Variants in ASAP1 observed in about 807,000 individuals in gnomAD.
ASAP1 encodes the protein ArfGAP with SH3 domain, ankyrin repeat and PH domain 1.
Under a neutral mutation model 145.2 loss-of-function variants are expected in ASAP1, and 43 were observed. The ratio of observed to expected loss-of-function variants is 0.30; its 90% CI spans 0.23 to 0.38. The LOEUF (loss-of-function observed/expected upper bound fraction) is 0.38, where lower values mean the gene tolerates loss of function less well. Ranked by LOEUF, ASAP1 falls within the 10% of genes least tolerant of loss-of-function variation. The pLI is 1.00. For synonymous variants in ASAP1, 546 were observed against 515.5 expected (o/e 1.06, Z -0.80); for missense variants, 1,018 against 1,355.3 (o/e 0.75, Z 3.91).
intron 24 of ASAP1, among the ~76,000 whole-genome samples, chr8:130,092,737 A>G (rs1246585681): frequency 1.3e-5 from 2 of 152,200 alleles, no homozygotes; most frequent in African/African-American, 4.8e-5. Flanking sequence ...CACACATCTT[A>G]AAACAATAAC....
intron 5 of ASAP1, among the ~76,000 whole-genome samples, chr8:130,204,269 G>A (rs1816062045): frequency 6.6e-6 from 1 of 152,126 alleles, no homozygotes; most frequent in South Asian, 2.1e-4. Flanking sequence ...AAATCATCCC[G>A]AAACCATCCT....
chr8:130,064,893 ATGTGTGTGTGTG>A (rs34905534), intron 27 of ASAP1, among the ~76,000 whole-genome samples: 193 of 142,654 alleles, frequency 1.4e-3, no homozygotes, highest in Middle Eastern at 3.5e-3. Flanking sequence ...TTTACTAAGA[ATGTGTGTGTGTG>A]TGTGTGTGTG....
intron 3 of ASAP1, among the ~76,000 whole-genome samples, chr8:130,341,916 C>T (rs768569097): frequency 2.6e-5 from 4 of 152,066 alleles, no homozygotes; most frequent in Non-Finnish European, 5.9e-5. Context: ...TTCACTGGAC[C>T]GAGAGATGGG....
intron 25 of ASAP1, among the ~76,000 whole-genome samples, chr8:130,080,587 T>TG (rs1422783321): frequency 6.6e-6 from 1 of 151,666 alleles, no homozygotes; most frequent in African/African-American, 2.4e-5. Flanking sequence ...GTGTTCCTCC[T>TG]GTCCAGCATC....
chr8:130,153,373 ATATATATATAT>A (rs2097651620), intron 12 of ASAP1, among the ~76,000 whole-genome samples: 1 of 96,804 alleles, frequency 1.0e-5, no homozygotes, highest in Admixed American at 1.2e-4. Context: ...ATATATATAT[ATATATATATAT>A]TTTGAGACAG....
intron 24 of ASAP1, among the ~76,000 whole-genome samples, chr8:130,099,790 C>T (rs574229641): frequency 6.4e-4 from 96 of 150,020 alleles, no homozygotes; most frequent in African/African-American, 2.3e-3. Flanking sequence ...CCACCCGCCT[C>T]GGCCTCCCAA....
chr8:130,195,580 C>T (rs1007295717), intron 5 of ASAP1, among the ~76,000 whole-genome samples: 1 of 151,958 alleles, frequency 6.6e-6, no homozygotes, highest in Non-Finnish European at 1.5e-5. Flanking sequence ...TTTTTGCTTT[C>T]TGCACAAATT....
At position 130,294,328 on chromosome 8, in the gene ASAP1, G is replaced by A. The variant is rs574422099; in HGVS notation, c.187-57334C>T. On this transcript the variant is annotated intron_variant, in intron 3 of 29. Transcript: ENST00000518721. ...GGGTAATGCCACGGAGCGTCAGAAAGGTGACACTGATTTCCCCTGGTGTAC... is the reference window on the plus strand; with the variant it reads ...GGGTAATGCCACGGAGCGTCAGAAAAGTGACACTGATTTCCCCTGGTGTAC... 1.9e-3 allele frequency among the ~76,000 whole-genome samples: 288 copies of A among 152,284 alleles called. 1 individual carries two copies. The highest frequency in any genetic ancestry group is 3.4e-3 in the Middle Eastern group (1 of 292).
At chr8:130,112,885 T>C (rs1273517212) in intron 23 of ASAP1, among the ~76,000 whole-genome samples, 2 of 152,198 alleles carry the variant, frequency 1.3e-5, no homozygotes, top group Admixed American at 6.5e-5. Flanking sequence ...GTATTTGCGC[T>C]TGTGGTGATG....
intron 15 of ASAP1, 51 bp from the exon 16 acceptor site, chr8:130,128,141 T>A (rs1201966336): frequency 1.7e-4 from 21 of 120,634 alleles, no homozygotes; most frequent in Non-Finnish European, 1.9e-4. Flanking sequence ...GCATGGTCAT[T>A]TTTTTTTTTT....
intron 18 of ASAP1, 57 bp from the exon 19 acceptor site, chr8:130,118,732 T>C: frequency 8.3e-7 from 1 of 1,211,812 alleles, no homozygotes; most frequent in Non-Finnish European, 1.1e-6. Context: ...AAGGTTTACA[T>C]TTTTCTGACA....
Position 130,054,103 on chromosome 8 carries a change from A to G in ASAP1, c.*628T>C, listed in dbSNP as rs111489250. On this transcript the variant is annotated 3_prime_UTR_variant, in exon 30 of 30. Transcript: ENST00000518721. ...TAAGACAGTATAAATCCACTTGTCT[A>G]AACTTGCATGAGGCTGTGTGCATTG... The G allele has an allele frequency of 6.5e-6, 1 of 152,980 alleles. No homozygotes were observed. Among genetic ancestry groups the G allele is most frequent in the African/African-American group, 2.4e-5 (1 of 41,590 alleles). The allele number at this position is 152,980 out of a possible 1,614,324, so 9.5% of individuals were successfully genotyped here. A position where few individuals can be genotyped will look rare whatever the true frequency, so the allele number is the denominator to read the frequency against.
intron 1 of ASAP1, among the ~76,000 whole-genome samples, chr8:130,436,979 C>A (rs1344060875): frequency 2.6e-5 from 4 of 151,772 alleles, no homozygotes; most frequent in Non-Finnish European, 5.9e-5. Context: ...GTGGAACATG[C>A]CTGTAATCCC....
chr8:130,109,611 T>G (rs2097543471), intron 24 of ASAP1, among the ~76,000 whole-genome samples: 1 of 152,078 alleles, frequency 6.6e-6, no homozygotes, highest in Non-Finnish European at 1.5e-5. Context: ...GCATCCTTGT[T>G]TTCATGCAAA....
At chr8:130,177,388 T>C (rs910657282) in intron 9 of ASAP1, among the ~76,000 whole-genome samples, 2 of 152,250 alleles carry the variant, frequency 1.3e-5, no homozygotes, top group Non-Finnish European at 1.5e-5. Flanking sequence ...TCAGTTTTGC[T>C]GCCAAAGTAC....
At position 130,119,463 on chromosome 8, in the gene ASAP1, C is replaced by T. The variant is rs192779285; in HGVS notation, c.1608-788G>A. On this transcript the variant is annotated intron_variant, in intron 18 of 29. Transcript: ENST00000518721. ...CTTGAGGAATTGCCTTCTTTACTTC[C>T]GTTCAAGTGTTTCTGGTGGGACTGA... 2.6e-3 allele frequency among the ~76,000 whole-genome samples: 397 copies of T among 152,290 alleles called. 1 individual carries two copies. The highest frequency in any genetic ancestry group is 9.2e-3 in the African/African-American group (382 of 41,556).
At chr8:130,200,509 A>C (rs1360874199) in intron 5 of ASAP1, among the ~76,000 whole-genome samples, 1 of 152,224 alleles carries the variant, frequency 6.6e-6, no homozygotes, top group Middle Eastern at 3.2e-3. Context: ...TATCGGTGGA[A>C]AACCACAGTA....
chr8:130,249,559 A>G (rs188222051), intron 3 of ASAP1, among the ~76,000 whole-genome samples: 2 of 152,294 alleles, frequency 1.3e-5, no homozygotes, highest in East Asian at 1.9e-4. Context: ...TTATCACCCA[A>G]TAAGAAAGTT....
chr8:130,380,139 G>C (rs944290522), intron 2 of ASAP1, among the ~76,000 whole-genome samples: 1 of 152,196 alleles, frequency 6.6e-6, no homozygotes, highest in Non-Finnish European at 1.5e-5. Flanking sequence ...AGGAGGATCT[G>C]AGTACAAGGA....
Sources: allele counts gnomAD v4.1 joint callset (sites outside exome capture counted in the v4.1 genomes callset), GRCh38; gene constraint gnomAD v4.1.1; transcripts MANE v1.5; gene names NCBI Gene and HGNC (gene_info 2026-07-23, HGNC 2026-07-21).